The following PRKG1 variants were observed in gnomAD, a reference collection of about 807,000 sequenced individuals.
The protein encoded by PRKG1 is cGMP-dependent protein kinase 1.
In PRKG1, 35 loss-of-function variants were observed where a neutral mutation model predicts 88.1. The observed-to-expected ratio is 0.40, with a 90% CI of 0.30 to 0.53. PRKG1 has a LOEUF of 0.53. Ranked by LOEUF, PRKG1 falls within the 20% of genes least tolerant of loss-of-function variation. PRKG1 has a pLI of 0.59. For synonymous variants in PRKG1, 303 were observed against 292.5 expected, an observed-to-expected ratio of 1.04 and a Z score of -0.37; for missense variants, 540 against 839.8, an observed-to-expected ratio of 0.64 and a Z score of 4.41.
rs1342819948 is a variant in PRKG1, at chr10:51,996,702, A to G, written c.763-57782A>G. Among the ~76,000 whole-genome samples the G allele has an allele frequency of 2.6e-5, 4 of 152,300 alleles. No individual in the cohort carries two copies. The East Asian group carries it at 7.7e-4, about 29-fold the overall frequency. On this transcript the variant is annotated intron_variant, in intron 5 of 17. Transcript: ENST00000373980. ...TGTTTGTGAGAATGTAAATTAGTAC[A>G]TCCATTGTGAAAAAAAGTATGGAAG...
At chr10:51,278,415 C>A (rs893732686) in intron 2 of PRKG1, among the ~76,000 whole-genome samples, 2 of 152,074 alleles carry the variant, frequency 1.3e-5, no homozygotes, top group Non-Finnish European at 2.9e-5. Flanking sequence ...CTAAAATTCT[C>A]TTTTTTTGTT....
At chr10:51,270,790 T>C (rs991947047) in intron 2 of PRKG1, among the ~76,000 whole-genome samples, 1 of 152,160 alleles carries the variant, frequency 6.6e-6, no homozygotes. Context: ...CACTCCCTAG[T>C]TGTCATGAAA....
At chr10:51,446,575 T>G (rs1839278019) in intron 2 of PRKG1, among the ~76,000 whole-genome samples, 1 of 152,052 alleles carries the variant, frequency 6.6e-6, no homozygotes, top group South Asian at 2.1e-4. Context: ...AATTTAAGAA[T>G]ATAAAGTTTT....
At chr10:51,051,201 G>C (rs1000426553) in intron 1 of PRKG1, among the ~76,000 whole-genome samples, 2 of 152,060 alleles carry the variant, frequency 1.3e-5, no homozygotes, top group African/African-American at 2.4e-5. Flanking sequence ...TTTGTTGCCT[G>C]TGCTTTTAAT....
chr10:51,539,334 T>G (rs1226358228), intron 3 of PRKG1, among the ~76,000 whole-genome samples: 1 of 151,798 alleles, frequency 6.6e-6, no homozygotes, highest in Non-Finnish European at 1.5e-5. Context: ...GGTGAAAGAG[T>G]CTACCCAAAA....
chr10:51,959,195 C>T (rs754222682), intron 5 of PRKG1, among the ~76,000 whole-genome samples: 4 of 152,272 alleles, frequency 2.6e-5, no homozygotes, highest in Non-Finnish European at 4.4e-5. Flanking sequence ...ATAGACTAGA[C>T]ACTCAACATG....
intron 3 of PRKG1, among the ~76,000 whole-genome samples, chr10:51,735,909 T>A (rs1483346779): frequency 8.7e-6 from 1 of 115,600 alleles, no homozygotes; most frequent in Non-Finnish European, 1.8e-5. Flanking sequence ...TTATTTATTT[T>A]TCCCTCCAAC....
intron 3 of PRKG1, among the ~76,000 whole-genome samples, chr10:51,625,388 A>T (rs531800223): frequency 3.3e-5 from 5 of 152,284 alleles, no homozygotes; most frequent in African/African-American, 1.2e-4. Context: ...GAGGCAGGTG[A>T]ATCACTTGAA....
intron 4 of PRKG1, among the ~76,000 whole-genome samples, chr10:51,820,685 C>T (rs1247123877): frequency 2.0e-5 from 3 of 152,130 alleles, no homozygotes; most frequent in Non-Finnish European, 2.9e-5. Context: ...TGGAGGAAAG[C>T]GAGACTGATT....
At chr10:52,288,656 T>C in intron 14 of PRKG1, 70 bp from the exon 15 acceptor site, 1 of 1,448,922 alleles carries the variant, frequency 6.9e-7, no homozygotes, top group Non-Finnish European at 9.3e-7. Context: ...CTGTGGAGTT[T>C]ATAGCAATTC....
intron 3 of PRKG1, among the ~76,000 whole-genome samples, chr10:51,785,371 T>C (rs1182354295): frequency 6.6e-6 from 1 of 152,050 alleles, no homozygotes; most frequent in Admixed American, 6.6e-5. Flanking sequence ...TGTTACTGTT[T>C]CCTGGTTGGA....
At chr10:51,073,003 T>C (rs1843854716), upstream of PRKG1, among the ~76,000 whole-genome samples, 1 of 152,182 alleles carries the variant, frequency 6.6e-6, no homozygotes, top group Non-Finnish European at 1.5e-5. Context: ...AAATAGAGCA[T>C]TGAGGATTAT....
chr10:51,154,789 A>T (rs1486346270), intron 2 of PRKG1, among the ~76,000 whole-genome samples: 1 of 152,004 alleles, frequency 6.6e-6, no homozygotes, highest in Admixed American at 6.6e-5. Flanking sequence ...ACAAAACACA[A>T]TAAACAAAAA....
intron 2 of PRKG1, among the ~76,000 whole-genome samples, chr10:51,267,413 A>G (rs933985508): frequency 5.3e-5 from 8 of 152,232 alleles, no homozygotes; most frequent in Non-Finnish European, 7.3e-5. Context: ...ATAAGTAAAA[A>G]TATTAGGTGT....
intron 5 of PRKG1, among the ~76,000 whole-genome samples, chr10:51,968,227 C>T (rs1843619865): frequency 6.6e-6 from 1 of 152,096 alleles, no homozygotes; most frequent in Non-Finnish European, 1.5e-5. Context: ...GATGGACAGG[C>T]ACTGCTCTAG....
intron 2 of PRKG1, among the ~76,000 whole-genome samples, chr10:51,229,999 A>T (rs1339077981): frequency 6.6e-6 from 1 of 151,996 alleles, no homozygotes; most frequent in Non-Finnish European, 1.5e-5. Flanking sequence ...ATCAAAATTT[A>T]AAATATTCCT....
chr10:51,229,744 C>T (rs1420810312), intron 2 of PRKG1, among the ~76,000 whole-genome samples: 4 of 151,612 alleles, frequency 2.6e-5, no homozygotes, highest in Non-Finnish European at 2.9e-5. Flanking sequence ...ACCTGGGAAA[C>T]GTGGCAAAAC....
At chr10:51,325,565 GT>G (rs1252552465) in intron 2 of PRKG1, among the ~76,000 whole-genome samples, 3 of 152,104 alleles carry the variant, frequency 2.0e-5, no homozygotes, top group Non-Finnish European at 2.9e-5. Context: ...GATACTGTAG[GT>G]TTTCTCTTCG....
intron 2 of PRKG1, among the ~76,000 whole-genome samples, chr10:51,463,595 T>C (rs779305602): frequency 2.6e-4 from 40 of 152,176 alleles, no homozygotes; most frequent in Non-Finnish European, 5.0e-4. Flanking sequence ...TTAGGTGAGA[T>C]TAGGGGTCAC....
Sources: gnomAD v4.1 joint callset for allele counts (sites outside exome capture counted in the v4.1 genomes callset) on GRCh38, gnomAD v4.1.1 for gene constraint, MANE v1.5 for transcripts, NCBI Gene and HGNC (gene_info 2026-07-23, HGNC 2026-07-21) for gene names.